The following FBLN5 variants were observed in gnomAD, a reference collection of about 807,000 sequenced individuals.
The protein encoded by FBLN5 is fibulin 5, also known as fibulin-5.
A neutral mutation model predicts 61.6 loss-of-function variants in FBLN5; 24 were observed. That is an observed-to-expected ratio of 0.39 (90% CI 0.28 to 0.55). The LOEUF is 0.55. FBLN5 is among the 20% of genes least tolerant of loss of function. The pLI is 0.65. For synonymous variants in FBLN5, 213 were observed against 219.8 expected (o/e 0.97, Z 0.27); for missense variants, 470 against 594.1 (o/e 0.79, Z 2.17).
chr14:91,880,509 CTG>C (rs1889374782), intron 9 of FBLN5, among the ~76,000 whole-genome samples: 3 of 143,518 alleles, frequency 2.1e-5, no homozygotes, highest in Admixed American at 1.4e-4. Flanking sequence ...ATAGAGAACT[CTG>C]TGGGAGTGTG....
chr14:91,894,918 G>T (rs758275646), intron 5 of FBLN5, 32 bp downstream of exon 5: 3 of 1,411,020 alleles, frequency 2.1e-6, no homozygotes, highest in South Asian at 2.3e-5. Flanking sequence ...TAACTTCCAA[G>T]AGTCCCTGTG....
intron 4 of FBLN5, among the ~76,000 whole-genome samples, chr14:91,915,898 C>G (rs150216423): frequency 3.9e-5 from 6 of 151,988 alleles, no homozygotes; most frequent in Non-Finnish European, 8.8e-5. Context: ...CTCACTCTAT[C>G]AAGCTTATAT....
intron 6 of FBLN5, among the ~76,000 whole-genome samples, chr14:91,888,658 A>G (rs950927741): frequency 2.0e-5 from 3 of 151,840 alleles, no homozygotes; most frequent in Admixed American, 6.6e-5. Flanking sequence ...ACACACAGAC[A>G]CACACACATA....
chr14:91,904,713 T>C (rs1161098785), intron 4 of FBLN5, among the ~76,000 whole-genome samples: 1 of 152,234 alleles, frequency 6.6e-6, no homozygotes, highest in Non-Finnish European at 1.5e-5. Flanking sequence ...AGTCCCAACG[T>C]GGGGGCTCCA....
intron 5 of FBLN5, among the ~76,000 whole-genome samples, chr14:91,892,162 T>A (rs934208353): frequency 6.6e-6 from 1 of 152,178 alleles, no homozygotes; most frequent in African/African-American, 2.4e-5. Flanking sequence ...GGGAAAGCAC[T>A]TCTCAACACC....
intron 6 of FBLN5, among the ~76,000 whole-genome samples, chr14:91,888,654 A>T (rs1241663142): frequency 6.6e-6 from 1 of 151,850 alleles, no homozygotes; most frequent in South Asian, 2.1e-4. Flanking sequence ...ACACACACAC[A>T]GACACACACA....
chr14:91,873,215 C>T (rs1382667542), intron 10 of FBLN5, among the ~76,000 whole-genome samples: 2 of 152,132 alleles, frequency 1.3e-5, no homozygotes, highest in East Asian at 1.9e-4. Context: ...GAAATAAACC[C>T]CTGAGAGCCC....
chr14:91,933,801 G>T (rs933198127), intron 4 of FBLN5, among the ~76,000 whole-genome samples: 1 of 151,684 alleles, frequency 6.6e-6, no homozygotes, highest in African/African-American at 2.4e-5. Context: ...AGAGCAAAAA[G>T]TTTCATTATG....
At chr14:91,881,452 G>A in intron 8 of FBLN5, 34 bp from the exon 9 acceptor site, 1 of 1,613,652 alleles carries the variant, frequency 6.2e-7, no homozygotes, top group Non-Finnish European at 8.5e-7. Flanking sequence ...GCGGAGGCAG[G>A]GCATTATTGG....
intron 4 of FBLN5, among the ~76,000 whole-genome samples, chr14:91,895,872 C>A (rs946418547): frequency 6.6e-6 from 1 of 151,580 alleles, no homozygotes; most frequent in Non-Finnish European, 1.5e-5. Flanking sequence ...GGTATTCACC[C>A]GTGAAAATCT....
At chr14:91,928,244 C>T (rs2055862543) in intron 4 of FBLN5, among the ~76,000 whole-genome samples, 1 of 152,180 alleles carries the variant, frequency 6.6e-6, no homozygotes. Context: ...AATTATGTTT[C>T]CTAAAGATTG....
At position 91,882,837 on chromosome 14, in the gene FBLN5, C is replaced by T. The variant is rs1889538158; in HGVS notation, c.862+117G>A. ...CCACCAGCACCCACTCACACCCCCA[C>T]CCCTGCCACCTTCCCAAAGCTGCAC... On this transcript the variant is annotated intron_variant, in intron 8 of 10. Transcript: ENST00000342058. The surrounding 1 kb of genome is among the most constrained non-coding windows in gnomAD (Gnocchi z 4.9). The T allele has an allele frequency of 8.1e-7, 1 of 1,230,814 alleles. No individual in the cohort carries two copies. Among genetic ancestry groups the T allele is most frequent in the Non-Finnish European group, 1.2e-6 (1 of 863,710 alleles). 76.2% of individuals were successfully genotyped at this position (1,230,814 alleles called of 1,614,324 possible). A position where few individuals can be genotyped will look rare whatever the true frequency, so the allele number is the denominator to read the frequency against.
chr14:91,921,012 C>T (rs924813417), intron 4 of FBLN5, among the ~76,000 whole-genome samples: 1 of 152,200 alleles, frequency 6.6e-6, no homozygotes, highest in Non-Finnish European at 1.5e-5. Context: ...GAAAGTACCA[C>T]ATTGGGAATT....
intron 4 of FBLN5, among the ~76,000 whole-genome samples, chr14:91,927,754 A>T (rs750216687): frequency 2.0e-5 from 3 of 152,268 alleles, no homozygotes; most frequent in Non-Finnish European, 2.9e-5. Context: ...TAATGCAGCC[A>T]CTTTTGCCAG....
intron 4 of FBLN5, among the ~76,000 whole-genome samples, chr14:91,902,887 C>A (rs1284296443): frequency 6.6e-6 from 1 of 152,036 alleles, no homozygotes; most frequent in Admixed American, 6.5e-5. Context: ...TAAGTGGGAA[C>A]TGACCATGAA....
chr14:91,883,321 C>T (rs1220086748), intron 7 of FBLN5, among the ~76,000 whole-genome samples: 1 of 152,190 alleles, frequency 6.6e-6, no homozygotes, highest in Non-Finnish European at 1.5e-5. Flanking sequence ...CTGAAATCCA[C>T]CTCCATCGAG....
rs554731689 is a variant in FBLN5, at chr14:91,900,198, G to A, written c.380-5126C>T. Among the ~76,000 whole-genome samples, 235 of 152,214 alleles carry A rather than the reference G, an allele frequency of 1.5e-3. 1 individual carries two copies. The highest frequency in any genetic ancestry group is 5.3e-3 in the African/African-American group (220 of 41,522). On this transcript the variant is annotated intron_variant, in intron 4 of 10. Coordinates refer to ENST00000342058, the MANE Select transcript of FBLN5 (RefSeq NM_006329.4). The stretch of plus-strand genomic sequence containing the variant: ...CTTTTCTATCCCATATAAAAGTAAT[G>A]GTTCCAAGTATGATCTTAGTATTAA...
At chr14:91,899,976 C>T (rs552560632) in intron 4 of FBLN5, among the ~76,000 whole-genome samples, 1 of 152,324 alleles carries the variant, frequency 6.6e-6, no homozygotes, top group South Asian at 2.1e-4. Flanking sequence ...CAGGAAAGGG[C>T]CACAGCCCAC....
chr14:91,941,816 G>A (rs570533512), intron 2 of FBLN5, among the ~76,000 whole-genome samples: 1 of 152,286 alleles, frequency 6.6e-6, no homozygotes, highest in African/African-American at 2.4e-5. Flanking sequence ...TGGTGGTAAG[G>A]ACGATGTATG....
Sources: gnomAD v4.1 joint callset for allele counts (sites outside exome capture counted in the v4.1 genomes callset) on GRCh38, gnomAD v4.1.1 for gene constraint, Gnocchi (gnomAD v3.1) non-coding constraint, MANE v1.5 for transcripts, NCBI Gene and HGNC (gene_info 2026-07-23, HGNC 2026-07-21) for gene names.